Variants in HELZ observed in about 807,000 individuals in gnomAD.
HELZ encodes the protein ATP-dependent RNA helicase with zinc finger domain.
HELZ carries 23 observed loss-of-function variants against 218.2 expected under a neutral mutation model. The ratio of observed to expected loss-of-function variants is 0.11; its 90% CI spans 0.08 to 0.15. HELZ has a LOEUF of 0.15. Among genes scored for constraint, HELZ ranks in the 10% least tolerant of loss-of-function variants. HELZ has a pLI of 1.00. For missense variants in HELZ, 1,813 were observed against 2,353.7 expected (o/e 0.77, Z 4.75); for synonymous variants, 814 against 829.4 (o/e 0.98, Z 0.32).
intron 15 of HELZ, 109 bp from the exon 16 acceptor site, chr17:67,161,185 T>C (rs1176415884): frequency 1.5e-5 from 11 of 739,750 alleles, no homozygotes; most frequent in East Asian, 1.1e-4. Flanking sequence ...TGAAATAGCA[T>C]AGCATCTATA....
At chr17:67,128,558 A>T (rs2143881685) in intron 24 of HELZ, 93 bp downstream of exon 24, 1 of 1,124,362 alleles carries the variant, frequency 8.9e-7, no homozygotes, top group Admixed American at 1.9e-5. Context: ...TTCAATTCCA[A>T]CACTTAAAGT....
chr17:67,171,837 G>GTTTTT, intron 13 of HELZ, among the ~76,000 whole-genome samples: 1 of 144,258 alleles, frequency 6.9e-6, no homozygotes, highest in East Asian at 2.0e-4. Context: ...GTTTTGTTTT[G>GTTTTT]TTTTTTTTTT....
At chr17:67,105,733 A>G (rs1362246342) in intron 31 of HELZ, among the ~76,000 whole-genome samples, 1 of 152,216 alleles carries the variant, frequency 6.6e-6, no homozygotes, top group Non-Finnish European at 1.5e-5. Context: ...ATTTTTGTAA[A>G]GTATGGTTCC....
intron 10 of HELZ, 45 bp downstream of exon 10, chr17:67,190,112 C>T: frequency 6.7e-7 from 1 of 1,498,294 alleles, no homozygotes; most frequent in Non-Finnish European, 9.3e-7. Flanking sequence ...GACTCAAGTT[C>T]ATTGTTTAAG....
intron 2 of HELZ, chr17:67,239,945 TGA>T (rs375599876): frequency 1.8e-4 from 28 of 152,270 alleles, no homozygotes; most frequent in African/African-American, 6.7e-4. Flanking sequence ...AAGGAGATGA[TGA>T]GTTATAAAAA....
intron 3 of HELZ, among the ~76,000 whole-genome samples, chr17:67,221,226 T>C (rs2040736864): frequency 1.3e-5 from 2 of 152,204 alleles, no homozygotes; most frequent in South Asian, 4.1e-4. Context: ...GAGCAGTCAT[T>C]ATCCCTAGTC....
intron 21 of HELZ, among the ~76,000 whole-genome samples, chr17:67,140,548 A>G (rs1340179063): frequency 6.6e-6 from 1 of 152,228 alleles, no homozygotes; most frequent in Non-Finnish European, 1.5e-5. Flanking sequence ...GAACAGAGAG[A>G]AAAAGTAATG....
At chr17:67,210,178 C>T (rs2040414896) in intron 5 of HELZ, among the ~76,000 whole-genome samples, 1 of 152,212 alleles carries the variant, frequency 6.6e-6, no homozygotes, top group African/African-American at 2.4e-5. Context: ...GAGCTATAAT[C>T]ACGCCACTCT....
At chr17:67,137,131 A>G (rs185414034) in intron 22 of HELZ, among the ~76,000 whole-genome samples, 5 of 152,272 alleles carry the variant, frequency 3.3e-5, no homozygotes, top group African/African-American at 1.2e-4. Context: ...GTCTAGGTGT[A>G]TATCATTTTT....
intron 13 of HELZ, among the ~76,000 whole-genome samples, chr17:67,169,770 G>A (rs1281346755): frequency 3.3e-5 from 5 of 152,072 alleles, no homozygotes; most frequent in East Asian, 1.9e-4. Context: ...AATCAGATAC[G>A]GATAAGACTC....
intron 27 of HELZ, among the ~76,000 whole-genome samples, chr17:67,116,770 C>T (rs1156669441): frequency 1.3e-5 from 2 of 152,084 alleles, no homozygotes; most frequent in East Asian, 1.9e-4. Flanking sequence ...TTTCAATACC[C>T]CTCCTCAGTA....
chr17:67,217,448 C>T (rs1432369075), intron 4 of HELZ, among the ~76,000 whole-genome samples: 2 of 152,228 alleles, frequency 1.3e-5, no homozygotes, highest in African/African-American at 4.8e-5. Flanking sequence ...TGCATCAACG[C>T]TTATCCCTTT....
Position 67,217,454 on chromosome 17 carries a change from C to T in HELZ, c.210+1141G>A, listed in dbSNP as rs115121322. Reference sequence around the variant, plus strand: ...TAGTCTCCTTGCATCAACGCTTATCCCTTTACAGTTTATTCTCAGCACAAA... The same window carrying T: ...TAGTCTCCTTGCATCAACGCTTATCTCTTTACAGTTTATTCTCAGCACAAA... On this transcript the variant is annotated intron_variant, in intron 4 of 32. Coordinates refer to ENST00000358691, the MANE Select transcript of HELZ (RefSeq NM_014877.4). Among the ~76,000 whole-genome samples the T allele has an allele frequency of 5.0e-3, 768 of 152,208 alleles. 7 individuals carry two copies. Among genetic ancestry groups the T allele is most frequent in the African/African-American group, 0.018 (729 of 41,522 alleles).
chr17:67,173,790 G>A (rs1245695771), intron 13 of HELZ, among the ~76,000 whole-genome samples: 9 of 151,152 alleles, frequency 6.0e-5, no homozygotes, highest in Non-Finnish European at 1.3e-4. Flanking sequence ...CCCATCTAAC[G>A]ATGAAATGTG....
intron 13 of HELZ, among the ~76,000 whole-genome samples, chr17:67,169,385 C>T (rs2039245322): frequency 6.6e-6 from 1 of 152,120 alleles, no homozygotes. Flanking sequence ...CAGGCTGCAT[C>T]ATCCCATGGT....
At chr17:67,156,502 T>C (rs2038846493) in intron 17 of HELZ, among the ~76,000 whole-genome samples, 1 of 152,110 alleles carries the variant, frequency 6.6e-6, no homozygotes, top group Non-Finnish European at 1.5e-5. Context: ...TTACCCTCCA[T>C]CTAATCAAGG....
At chr17:67,195,687 G>A (rs1014912564) in intron 7 of HELZ, among the ~76,000 whole-genome samples, 1 of 152,058 alleles carries the variant, frequency 6.6e-6, no homozygotes, top group South Asian at 2.1e-4. Context: ...GAAGCTGATA[G>A]AGGCCTCCTA....
chr17:67,208,256 A>T (rs1382013836), intron 5 of HELZ, among the ~76,000 whole-genome samples: 1 of 152,116 alleles, frequency 6.6e-6, no homozygotes, highest in African/African-American at 2.4e-5. Flanking sequence ...TTCAAAAAAA[A>T]TTGTAAAAAA....
intron 28 of HELZ, among the ~76,000 whole-genome samples, chr17:67,113,603 GAAGT>G (rs1006897849): frequency 1.3e-5 from 2 of 152,146 alleles, no homozygotes; most frequent in Non-Finnish European, 2.9e-5. Context: ...TGGTGATCAG[GAAGT>G]AAGGGTGCTC....
Sources: gnomAD v4.1 joint callset for allele counts (sites outside exome capture counted in the v4.1 genomes callset) on GRCh38, gnomAD v4.1.1 for gene constraint, MANE v1.5 for transcripts, NCBI Gene and HGNC (gene_info 2026-07-23, HGNC 2026-07-21) for gene names.